Variants in PHACTR1 observed in about 807,000 individuals in gnomAD.
PHACTR1 encodes RPEL repeat containing 1.
In PHACTR1, 16 loss-of-function variants were observed where a neutral mutation model predicts 69.2. The ratio of observed to expected loss-of-function variants is 0.23; its 90% CI spans 0.16 to 0.35. The LOEUF (loss-of-function observed/expected upper bound fraction) is 0.35. Among genes scored for constraint, PHACTR1 ranks in the 10% least tolerant of loss-of-function variants. PHACTR1 has a pLI of 1.00. For missense variants in PHACTR1, 510 were observed against 734.7 expected (o/e 0.69, Z 3.54); for synonymous variants, 312 against 284.5 (o/e 1.10, Z -0.97).
At chr6:12,889,330 A>G (rs1783941708) in intron 4 of PHACTR1, among the ~76,000 whole-genome samples, 1 of 152,204 alleles carries the variant, frequency 6.6e-6, no homozygotes, top group Non-Finnish European at 1.5e-5. Context: ...CAAGGGTGAG[A>G]GAGGAAAGTG....
chr6:12,840,590 T>G (rs764068612), intron 4 of PHACTR1, among the ~76,000 whole-genome samples: 2 of 152,170 alleles, frequency 1.3e-5, no homozygotes, highest in African/African-American at 2.4e-5. Flanking sequence ...GCAACAGCAA[T>G]GTATCACAGC....
At chr6:13,195,444 A>G (rs901674177) in intron 7 of PHACTR1, among the ~76,000 whole-genome samples, 5 of 152,136 alleles carry the variant, frequency 3.3e-5, no homozygotes, top group African/African-American at 9.7e-5. Flanking sequence ...ATGGGCCTCT[A>G]TAGCAGGTGC....
At chr6:13,018,199 A>G (rs955536319) in intron 4 of PHACTR1, among the ~76,000 whole-genome samples, 1 of 152,210 alleles carries the variant, frequency 6.6e-6, no homozygotes, top group South Asian at 2.1e-4. Context: ...TGTGGATCAC[A>G]TCCCTCATTT....
At chr6:13,086,014 A>G (rs1244258282) in intron 5 of PHACTR1, among the ~76,000 whole-genome samples, 2 of 150,770 alleles carry the variant, frequency 1.3e-5, no homozygotes, top group Non-Finnish European at 3.0e-5. Flanking sequence ...CAGTTATTTG[A>G]AAATATTTCT....
chr6:12,919,267 C>T (rs527342308), intron 4 of PHACTR1, among the ~76,000 whole-genome samples: 7 of 152,208 alleles, frequency 4.6e-5, no homozygotes, highest in East Asian at 3.9e-4. Context: ...CTCAGCCTCC[C>T]GAGTAGCTGG....
intron 4 of PHACTR1, among the ~76,000 whole-genome samples, chr6:12,931,537 C>T (rs949687322): frequency 6.6e-6 from 1 of 152,014 alleles, no homozygotes; most frequent in African/African-American, 2.4e-5. Flanking sequence ...TCTAAGTAAG[C>T]TCATACTGTG....
intron 4 of PHACTR1, among the ~76,000 whole-genome samples, chr6:12,921,470 AGGAAGGAAGGAAGGAG>A (rs1258804793): frequency 7.5e-5 from 10 of 133,398 alleles, no homozygotes; most frequent in Non-Finnish European, 1.4e-4. Context: ...GATGGAAGGA[AGGAAGGAAGGAAGGAG>A]GGAAGGAAGG....
At chr6:13,139,584 C>G (rs1485733322) in intron 5 of PHACTR1, among the ~76,000 whole-genome samples, 1 of 152,120 alleles carries the variant, frequency 6.6e-6, no homozygotes, top group Non-Finnish European at 1.5e-5. Context: ...TGTTTCAAGC[C>G]CCAGTGAAGC....
intron 4 of PHACTR1, among the ~76,000 whole-genome samples, chr6:12,928,012 T>A (rs1488350129): frequency 6.6e-6 from 1 of 152,132 alleles, no homozygotes; most frequent in Non-Finnish European, 1.5e-5. Context: ...GGCAGCCAGG[T>A]TGTCAGCTCA....
chr6:12,963,496 T>A (rs1793027965), intron 4 of PHACTR1, among the ~76,000 whole-genome samples: 1 of 151,582 alleles, frequency 6.6e-6, no homozygotes, highest in African/African-American at 2.4e-5. Context: ...GAAAAAAATA[T>A]ATTAGGAGGA....
chr6:13,195,279 C>T (rs9381820), intron 7 of PHACTR1, among the ~76,000 whole-genome samples: 12,995 of 152,142 alleles, frequency 0.085, 1,317 homozygotes, highest in East Asian at 0.57. Context: ...GGTGGAGTAC[C>T]TATAGCTAAG....
intron 10 of PHACTR1, among the ~76,000 whole-genome samples, chr6:13,248,854 C>T (rs143339418): frequency 9.9e-4 from 150 of 152,216 alleles, no homozygotes; most frequent in Non-Finnish European, 2.1e-4. Flanking sequence ...GAAGCCACAG[C>T]GGAGAGAAAG....
At chr6:13,090,047 T>C (rs972593076) in intron 5 of PHACTR1, among the ~76,000 whole-genome samples, 3 of 151,672 alleles carry the variant, frequency 2.0e-5, no homozygotes, top group Non-Finnish European at 4.4e-5. Context: ...TTGTTTTGGG[T>C]TTTTTTGTTG....
chr6:13,025,671 TTGTGTGTGTGTG>T (rs60800778), intron 4 of PHACTR1, among the ~76,000 whole-genome samples: 16 of 140,220 alleles, frequency 1.1e-4, no homozygotes, highest in Non-Finnish European at 2.2e-4. Flanking sequence ...CATATATTAT[TTGTGTGTGTGTG>T]TGTGTGTGTG....
chr6:12,983,212 C>A (rs1795728653), intron 4 of PHACTR1, among the ~76,000 whole-genome samples: 3 of 152,192 alleles, frequency 2.0e-5, no homozygotes, highest in African/African-American at 7.2e-5. Context: ...AGTTTCTATT[C>A]TCAAAAAGAT....
At chr6:13,015,480 T>A (rs1800049167) in intron 4 of PHACTR1, among the ~76,000 whole-genome samples, 1 of 152,164 alleles carries the variant, frequency 6.6e-6, no homozygotes, top group African/African-American at 2.4e-5. Flanking sequence ...GGAATACAAA[T>A]GGATTAATCA....
At chr6:12,906,884 G>A (rs755001723) in intron 4 of PHACTR1, among the ~76,000 whole-genome samples, 5 of 152,046 alleles carry the variant, frequency 3.3e-5, no homozygotes, top group African/African-American at 9.7e-5. Flanking sequence ...CACTTGGCTC[G>A]ACCACTGTGA....
chr6:12,927,466 T>C (rs1440733065), intron 4 of PHACTR1, among the ~76,000 whole-genome samples: 4 of 152,230 alleles, frequency 2.6e-5, no homozygotes, highest in Non-Finnish European at 5.9e-5. Flanking sequence ...GGAACAACTC[T>C]AAGTGCTTTG....
intron 4 of PHACTR1, among the ~76,000 whole-genome samples, chr6:12,985,326 T>A (rs2127597754): frequency 6.6e-6 from 1 of 152,130 alleles, no homozygotes; most frequent in East Asian, 1.9e-4. Flanking sequence ...GAGACTAGAT[T>A]TTGCATGGGC....
Sources: gnomAD v4.1 joint callset for allele counts (sites outside exome capture counted in the v4.1 genomes callset) on GRCh38, gnomAD v4.1.1 for gene constraint, MANE v1.5 for transcripts, NCBI Gene and HGNC (gene_info 2026-07-23, HGNC 2026-07-21) for gene names.